Variants in KLRD1 observed in about 807,000 individuals in gnomAD.
KLRD1 encodes killer cell lectin like receptor D1.
A neutral mutation model predicts 22.6 loss-of-function variants in KLRD1; 21 were observed. The ratio of observed to expected loss-of-function variants is 0.93; its 90% confidence interval spans 0.66 to 1.34. The LOEUF (loss-of-function observed/expected upper bound fraction) is 1.34, where lower values mean the gene tolerates loss of function less well. KLRD1 is among the 40% of genes most tolerant of loss of function. KLRD1 has a pLI of 0.00. For missense variants in KLRD1, 183 were observed against 208.6 expected (o/e 0.88, Z 0.76); for synonymous variants, 59 against 71.1 (o/e 0.83, Z 0.85).
rs377273405 is a variant in KLRD1, at chr12:10,315,181, G to A, written c.*388G>A. On this transcript the variant is annotated 3_prime_UTR_variant, in exon 6 of 6. Coordinates refer to ENST00000336164, the MANE Select transcript of KLRD1 (RefSeq NM_002262.5). ...AAATTTAACTCACACTGCCCAGGCT[G>A]GAGCATAGTGGCAAGATCATAGCTC... 3.0e-6 allele frequency: 1 copy of A among 334,838 alleles called. No homozygotes were observed. Among genetic ancestry groups the A allele is most frequent in the South Asian group, 2.4e-5 (1 of 42,498 alleles). The allele number at this position is 334,838 out of a possible 1,614,324, so 20.7% of individuals were successfully genotyped here. A position where few individuals can be genotyped will look rare whatever the true frequency, so the allele number is the denominator to read the frequency against.
At chr12:10,251,065 CA>C (rs1440664927) in intron 1 of KLRD1, among the ~76,000 whole-genome samples, 1 of 152,142 alleles carries the variant, frequency 6.6e-6, no homozygotes, top group African/African-American at 2.4e-5. Context: ...GCATTAACTA[CA>C]GATGTTAACA....
chr12:10,251,210 C>T (rs532874644), intron 1 of KLRD1, among the ~76,000 whole-genome samples: 99 of 152,120 alleles, frequency 6.5e-4, no homozygotes, highest in African/African-American at 1.9e-3. Context: ...CTGCAACCTC[C>T]GCCTCCCAGG....
intron 1 of KLRD1, among the ~76,000 whole-genome samples, chr12:10,262,012 A>T (rs1440921445): frequency 1.3e-5 from 2 of 152,016 alleles, no homozygotes; most frequent in Admixed American, 6.5e-5. Flanking sequence ...TTATATTTGC[A>T]TTTACTTCTG....
Position 10,320,297 on chromosome 12 carries a change from GAAAACAGGC to G in KLRD1, c.*5506_*5514del, listed in dbSNP as rs1381446107. The G allele has an allele frequency of 2.0e-5, 3 of 150,650 alleles. No homozygotes were observed. Among genetic ancestry groups the G allele is most frequent in the African/African-American group, 7.3e-5 (3 of 41,172 alleles). 9.3% of individuals were successfully genotyped at this position (150,650 alleles called of 1,614,324 possible). On this transcript the variant is annotated 3_prime_UTR_variant, in exon 6 of 6. Transcript: ENST00000336164. ...AAACCACTAAAATTTTGGAGTGCTT[GAAAACAGGC>G]AGTGGATGGAGGCCAAAAGGACAGG...
intron 1 of KLRD1, among the ~76,000 whole-genome samples, chr12:10,254,011 T>C (rs1363329785): frequency 6.6e-6 from 1 of 152,070 alleles, no homozygotes; most frequent in African/African-American, 2.4e-5. Context: ...GGCAATACCA[T>C]CTTGGACACA....
At chr12:10,270,386 A>T (rs1480595680) in intron 1 of KLRD1, among the ~76,000 whole-genome samples, 1 of 152,230 alleles carries the variant, frequency 6.6e-6, no homozygotes. Flanking sequence ...TGCAACTATT[A>T]CCAGAGCGAT....
chr12:10,297,454 T>A (rs549618645), intron 1 of KLRD1, among the ~76,000 whole-genome samples: 2 of 152,218 alleles, frequency 1.3e-5, no homozygotes, highest in South Asian at 4.1e-4. Context: ...TTAAAACATT[T>A]AGACTATTAT....
At chr12:10,294,698 G>A (rs557839635) in intron 1 of KLRD1, among the ~76,000 whole-genome samples, 1 of 152,196 alleles carries the variant, frequency 6.6e-6, no homozygotes, top group South Asian at 2.1e-4. Context: ...ACTGCACCCG[G>A]CCCCCATTTT....
chr12:10,284,381 A>G (rs572003211), intron 1 of KLRD1, among the ~76,000 whole-genome samples: 23 of 152,284 alleles, frequency 1.5e-4, no homozygotes, highest in African/African-American at 5.5e-4. Context: ...TGTTTTGAAC[A>G]AAGAATTGAG....
At chr12:10,262,006 AT>A (rs1348762434) in intron 1 of KLRD1, among the ~76,000 whole-genome samples, 4 of 152,060 alleles carry the variant, frequency 2.6e-5, no homozygotes, top group Non-Finnish European at 5.9e-5. Context: ...AATTTCTTAT[AT>A]TTGCATTTAC....
intron 1 of KLRD1, among the ~76,000 whole-genome samples, chr12:10,240,443 G>T (rs1167828322): frequency 6.6e-6 from 1 of 151,586 alleles, no homozygotes; most frequent in Non-Finnish European, 1.5e-5. Context: ...TGACCATGAT[G>T]AAATTAGTAG....
At chr12:10,299,833 C>T (rs1949852284), upstream of KLRD1, among the ~76,000 whole-genome samples, 1 of 152,200 alleles carries the variant, frequency 6.6e-6, no homozygotes, top group South Asian at 2.1e-4. Context: ...AGTCAGTCCT[C>T]TAAAGCCTTG....
intron 1 of KLRD1, among the ~76,000 whole-genome samples, chr12:10,284,315 A>G (rs1949679189): frequency 6.6e-6 from 1 of 152,250 alleles, no homozygotes; most frequent in African/African-American, 2.4e-5. Flanking sequence ...AAAATCACTC[A>G]GATAAATTAT....
intron 1 of KLRD1, among the ~76,000 whole-genome samples, chr12:10,296,913 C>T (rs1384428944): frequency 6.6e-6 from 1 of 152,166 alleles, no homozygotes; most frequent in African/African-American, 2.4e-5. Context: ...GCAATTGGCA[C>T]TTGGTTGTGG....
chr12:10,252,919 G>C (rs1323600821), intron 1 of KLRD1, among the ~76,000 whole-genome samples: 1 of 149,738 alleles, frequency 6.7e-6, no homozygotes, highest in Non-Finnish European at 1.5e-5. Context: ...TAGCATTACT[G>C]GCTTTGCTGT....
intron 1 of KLRD1, among the ~76,000 whole-genome samples, chr12:10,291,745 T>C (rs894097502): frequency 6.6e-6 from 1 of 152,044 alleles, no homozygotes; most frequent in African/African-American, 2.4e-5. Context: ...GTCTAGGTTT[T>C]AAGCCCTACA....
At chr12:10,288,370 G>A (rs1592061790) in intron 1 of KLRD1, among the ~76,000 whole-genome samples, 1 of 152,016 alleles carries the variant, frequency 6.6e-6, no homozygotes, top group East Asian at 1.9e-4. Flanking sequence ...CAATATATCT[G>A]TGGCAATTTA....
intron 1 of KLRD1, among the ~76,000 whole-genome samples, chr12:10,252,974 A>G (rs997140149): frequency 1.1e-4 from 17 of 150,016 alleles, no homozygotes; most frequent in Non-Finnish European, 1.9e-4. Flanking sequence ...AAAAAAAAAG[A>G]TGAATAATTT....
At chr12:10,308,306 G>T (rs117458529) in intron 1 of KLRD1, 8 of 524,456 alleles carry the variant, frequency 1.5e-5, no homozygotes, top group Non-Finnish European at 2.7e-5. Context: ...TTTGAAGAGT[G>T]GTTTCTGACA....
Sources: gnomAD v4.1 joint callset for allele counts (sites outside exome capture counted in the v4.1 genomes callset) on GRCh38, gnomAD v4.1.1 for gene constraint, MANE v1.5 for transcripts, NCBI Gene and HGNC (gene_info 2026-07-23, HGNC 2026-07-21) for gene names.